Variants in ERC1 observed in about 807,000 individuals in gnomAD.
ERC1 encodes the protein RAB6 interacting protein 2.
In ERC1, 56 loss-of-function variants were observed where a neutral mutation model predicts 132.0. The ratio of observed to expected loss-of-function variants is 0.42; its 90% CI spans 0.34 to 0.53. ERC1 has a LOEUF of 0.53. ERC1 is among the 20% of genes least tolerant of loss of function. The probability of loss-of-function intolerance (pLI) is 0.03; values close to 1 mark genes in which losing one functional copy is unlikely to be tolerated. For missense variants in ERC1, 1,202 were observed against 1,349.9 expected, an observed-to-expected ratio of 0.89 and a Z score of 1.72; for synonymous variants, 478 against 476.1, an observed-to-expected ratio of 1.00 and a Z score of -0.05.
intron 3 of ERC1, 117 bp downstream of exon 3, chr12:1,083,697 C>A: frequency 1.2e-6 from 1 of 814,026 alleles, no homozygotes; most frequent in Non-Finnish European, 1.9e-6. Flanking sequence ...AAGAGAATTT[C>A]ATCCTTTGTA....
intron 15 of ERC1, among the ~76,000 whole-genome samples, chr12:1,353,513 CAG>C (rs749309154): frequency 3.3e-5 from 5 of 152,100 alleles, no homozygotes; most frequent in Non-Finnish European, 7.4e-5. Flanking sequence ...AACTTAAAAA[CAG>C]AGAGCTTTTG....
intron 16 of ERC1, among the ~76,000 whole-genome samples, chr12:1,384,652 C>T (rs1192265452): frequency 2.0e-5 from 3 of 152,080 alleles, no homozygotes; most frequent in Non-Finnish European, 4.4e-5. Flanking sequence ...GAAAGAACAT[C>T]TATCATACCT....
chr12:1,070,137 T>A (rs1940058255), intron 2 of ERC1, among the ~76,000 whole-genome samples: 1 of 152,192 alleles, frequency 6.6e-6, no homozygotes, highest in Non-Finnish European at 1.5e-5. Context: ...GAATGTGTCT[T>A]TATAACCTCA....
intron 15 of ERC1, among the ~76,000 whole-genome samples, chr12:1,337,197 C>G (rs2083386799): frequency 6.6e-6 from 1 of 152,076 alleles, no homozygotes; most frequent in Non-Finnish European, 1.5e-5. Context: ...CTCTGAAGGT[C>G]TCTAAGAACT....
At chr12:1,141,350 C>A (rs1035815809) in intron 7 of ERC1, among the ~76,000 whole-genome samples, 2 of 152,072 alleles carry the variant, frequency 1.3e-5, no homozygotes, top group Non-Finnish European at 2.9e-5. Context: ...ATTTTGAACC[C>A]CAACCCTGTT....
At chr12:1,062,523 A>G (rs370324780) in intron 2 of ERC1, among the ~76,000 whole-genome samples, 1 of 152,042 alleles carries the variant, frequency 6.6e-6, no homozygotes, top group African/African-American at 2.4e-5. Flanking sequence ...TTAGTTTCCA[A>G]AGTTCTTGTT....
At chr12:1,240,227 T>G (rs2075702581) in intron 13 of ERC1, among the ~76,000 whole-genome samples, 1 of 152,208 alleles carries the variant, frequency 6.6e-6, no homozygotes, top group African/African-American at 2.4e-5. Context: ...GGGACACCAG[T>G]GCCCTAACAC....
At chr12:1,365,057 CTA>C (rs2086525664) in intron 15 of ERC1, among the ~76,000 whole-genome samples, 2 of 152,126 alleles carry the variant, frequency 1.3e-5, no homozygotes, top group Non-Finnish European at 2.9e-5. Flanking sequence ...AATGATTGTG[CTA>C]TGTTAGTAAA....
chr12:1,259,223 T>G (rs1030693031), intron 13 of ERC1, among the ~76,000 whole-genome samples: 1 of 152,164 alleles, frequency 6.6e-6, no homozygotes, highest in African/African-American at 2.4e-5. Context: ...CTCTTTTGGT[T>G]GTTTCTACTG....
intron 1 of ERC1, among the ~76,000 whole-genome samples, chr12:1,015,812 A>G (rs1965422395): frequency 6.6e-6 from 1 of 152,240 alleles, no homozygotes; most frequent in South Asian, 2.1e-4. Flanking sequence ...GTTGATGAGC[A>G]TAACCCCATT....
intron 12 of ERC1, among the ~76,000 whole-genome samples, chr12:1,211,059 A>G (rs1018035448): frequency 2.6e-5 from 4 of 152,136 alleles, no homozygotes; most frequent in Non-Finnish European, 4.4e-5. Flanking sequence ...GTAAGTTTCT[A>G]TATTCAAAAA....
At chr12:1,205,413 GTATA>G (rs58629430) in intron 12 of ERC1, among the ~76,000 whole-genome samples, 34 of 143,712 alleles carry the variant, frequency 2.4e-4, no homozygotes, top group African/African-American at 7.8e-4. Flanking sequence ...GTGTGTGTGT[GTATA>G]TATATATATA....
intron 14 of ERC1, among the ~76,000 whole-genome samples, chr12:1,272,612 C>T (rs2077940589): frequency 6.6e-6 from 1 of 152,116 alleles, no homozygotes. Flanking sequence ...GGTTCTTAAT[C>T]TGTACATTAT....
intron 7 of ERC1, among the ~76,000 whole-genome samples, chr12:1,122,645 C>CTGTGCCTATTGATATATCTGTATATA (rs71055134): frequency 1.3e-5 from 2 of 151,062 alleles, no homozygotes; most frequent in Non-Finnish European, 2.9e-5. Context: ...CTATCTCTAT[C>CTGTGCCTATTGATATATCTGTATATA]TCTATCTCTA....
At chr12:1,321,798 C>G (rs962342541) in intron 15 of ERC1, among the ~76,000 whole-genome samples, 1 of 152,188 alleles carries the variant, frequency 6.6e-6, no homozygotes, top group African/African-American at 2.4e-5. Context: ...CTGTGAGAAG[C>G]ATTTATCTCC....
intron 15 of ERC1, among the ~76,000 whole-genome samples, chr12:1,299,823 A>G (rs73031220): frequency 0.035 from 5,278 of 152,254 alleles, 102 homozygotes; most frequent in Middle Eastern, 0.068. Flanking sequence ...CCAGTTTCTA[A>G]AGACACGTAA....
At chr12:1,401,769 GTA>G (rs2091087882) in intron 16 of ERC1, among the ~76,000 whole-genome samples, 3 of 148,116 alleles carry the variant, frequency 2.0e-5, no homozygotes, top group East Asian at 1.9e-4. Flanking sequence ...AAAAAAAAGA[GTA>G]TTTTTAAAAG....
intron 12 of ERC1, among the ~76,000 whole-genome samples, chr12:1,207,279 A>G (rs1957430613): frequency 6.6e-6 from 1 of 152,096 alleles, no homozygotes. Context: ...ATGTAATTGT[A>G]TTTTTGAAAG....
chr12:1,160,804 A>T (rs1168507479), intron 8 of ERC1, among the ~76,000 whole-genome samples: 4 of 152,170 alleles, frequency 2.6e-5, no homozygotes, highest in African/African-American at 9.7e-5. Flanking sequence ...TGTGTTGCCC[A>T]GGCTGGTATC....
Sources: gnomAD v4.1 joint callset for allele counts (sites outside exome capture counted in the v4.1 genomes callset) on GRCh38, gnomAD v4.1.1 for gene constraint, MANE v1.5 for transcripts, NCBI Gene and HGNC (gene_info 2026-07-23, HGNC 2026-07-21) for gene names.